BCL11A: variants seen among roughly 807,000 people sequenced by gnomAD.
BCL11A encodes the protein B cell CLL/lymphoma 11A.
Under a neutral mutation model 55.9 loss-of-function variants are expected in BCL11A, and 2 were observed. That is an observed-to-expected ratio of 0.04 (90% CI 0.01 to 0.11). The LOEUF (loss-of-function observed/expected upper bound fraction) is 0.11. Ranked by LOEUF, BCL11A falls within the 10% of genes least tolerant of loss-of-function variation. BCL11A has a pLI of 1.00. For missense variants in BCL11A, 817 were observed against 1,137.1 expected (o/e 0.72, Z 4.05); for synonymous variants, 465 against 473.4 (o/e 0.98, Z 0.23).
chr2:60,466,203 A>T (rs141855971), intron 3 of BCL11A, among the ~76,000 whole-genome samples: 2 of 152,288 alleles, frequency 1.3e-5, no homozygotes, highest in African/African-American at 2.4e-5. Flanking sequence ...CTACCAGTCA[A>T]ATCAAACTCC....
intron 2 of BCL11A, among the ~76,000 whole-genome samples, chr2:60,531,482 A>T (rs1335953984): frequency 6.6e-6 from 1 of 152,264 alleles, no homozygotes; most frequent in East Asian, 1.9e-4. Context: ...GTCAAATGAG[A>T]GCAAGGTCCC....
chr2:60,505,362 A>G (rs777835600), intron 2 of BCL11A, among the ~76,000 whole-genome samples: 1 of 152,228 alleles, frequency 6.6e-6, no homozygotes, highest in African/African-American at 2.4e-5. Flanking sequence ...CCAAAAGAAC[A>G]CACCACTTTG....
At chr2:60,470,581 C>G (rs1295242503) in intron 2 of BCL11A, among the ~76,000 whole-genome samples, 1 of 152,200 alleles carries the variant, frequency 6.6e-6, no homozygotes, top group Non-Finnish European at 1.5e-5. Context: ...GCCACTTACT[C>G]TGGGAAGAGA....
intron 1 of BCL11A, among the ~76,000 whole-genome samples, chr2:60,548,356 G>A (rs1670247888): frequency 6.9e-6 from 1 of 145,874 alleles, no homozygotes; most frequent in Non-Finnish European, 1.5e-5. Flanking sequence ...TGTTCCCAAG[G>A]TCTGACACAT....
chr2:60,451,445 C>T (rs1471072305), exon 5 of BCL11A: 1 of 229,518 alleles, frequency 4.4e-6, no homozygotes, highest in East Asian at 6.2e-5. Context: ...TTAACTGGGC[C>T]AGAAAGAATT....
Position 60,512,908 on chromosome 2 carries a change from T to C in BCL11A, c.385+33063A>G, listed in dbSNP as rs111848767. 3.0e-3 allele frequency among the ~76,000 whole-genome samples: 454 copies of C among 152,174 alleles called. 1 individual carries two copies. The highest frequency in any genetic ancestry group is 0.01 in the African/African-American group (433 of 41,490). Reference sequence around the variant, plus strand: ...CTTTGCCCACCCACATGGCATCCATTTGGAGGAGACACAGAGAAAGGAGTT... The same window carrying C: ...CTTTGCCCACCCACATGGCATCCATCTGGAGGAGACACAGAGAAAGGAGTT... On this transcript the variant is annotated intron_variant, in intron 2 of 3. Coordinates refer to ENST00000642384, the MANE Select transcript of BCL11A (RefSeq NM_022893.4).
chr2:60,553,285 CG>C lies in BCL11A; in HGVS notation c.-16del. The C allele has an allele frequency of 6.4e-7, 1 of 1,563,592 alleles. No homozygotes were observed. ...CGGCGAGACATGGTGGGCTGCGGGG[CG>C]GGCGGCGGCGGCGGCGGCGGCGGCG... On this transcript the variant is annotated 5_prime_UTR_variant, in exon 1 of 4. Coordinates refer to ENST00000642384, the MANE Select transcript of BCL11A (RefSeq NM_022893.4).
intron 2 of BCL11A, among the ~76,000 whole-genome samples, chr2:60,530,660 C>A (rs1348793690): frequency 4.1e-5 from 6 of 145,174 alleles, no homozygotes; most frequent in African/African-American, 1.5e-4. Flanking sequence ...ATTTGATGTA[C>A]AGTCAGCAGG....
intron 2 of BCL11A, among the ~76,000 whole-genome samples, chr2:60,488,725 A>G (rs1678434367): frequency 6.6e-6 from 1 of 152,124 alleles, no homozygotes; most frequent in South Asian, 2.1e-4. Context: ...AGCCACTGCT[A>G]CCCAAAACGA....
downstream of BCL11A, among the ~76,000 whole-genome samples, chr2:60,456,941 C>T (rs1675968120): frequency 6.6e-6 from 1 of 152,154 alleles, no homozygotes; most frequent in African/African-American, 2.4e-5. Context: ...AAGTTTTTAA[C>T]ATCAGACTGA....
At chr2:60,452,788 G>T (rs1675781128), downstream of BCL11A, 1 of 708,330 alleles carries the variant, frequency 1.4e-6, no homozygotes, top group Admixed American at 2.5e-5. Context: ...CACAGGTCGA[G>T]CCACTGGCAT....
intron 3 of BCL11A, among the ~76,000 whole-genome samples, chr2:60,467,471 GTGGTAA>G (rs1676797032): frequency 7.2e-4 from 1 of 1,398 alleles, no homozygotes; most frequent in Non-Finnish European, 1.2e-3. Flanking sequence ...GGTGATGGTG[GTGGTAA>G]TGGTGGTGGT....
At chr2:60,452,630 C>G (rs372945270), downstream of BCL11A, 2 of 1,613,850 alleles carry the variant, frequency 1.2e-6, no homozygotes, top group African/African-American at 1.3e-5. Context: ...ATCTTGAGCT[C>G]TCTGGGTACT....
intron 2 of BCL11A, among the ~76,000 whole-genome samples, chr2:60,538,862 C>T (rs185250503): frequency 3.0e-4 from 46 of 151,534 alleles, no homozygotes; most frequent in African/African-American, 8.0e-4. Context: ...ATACTTTTAA[C>T]GGGAAAAGCT....
intron 2 of BCL11A, chr2:60,534,881 A>C (rs1669602607): frequency 6.6e-6 from 1 of 152,258 alleles, no homozygotes; most frequent in Non-Finnish European, 1.5e-5. Flanking sequence ...TAAATATGTC[A>C]AATCTCTTGG....
intron 2 of BCL11A, among the ~76,000 whole-genome samples, chr2:60,470,123 G>C (rs1176439072): frequency 6.6e-6 from 1 of 152,116 alleles, no homozygotes; most frequent in African/African-American, 2.4e-5. Context: ...ATGGTGTGCT[G>C]CTGAGAAGGC....
intron 2 of BCL11A, among the ~76,000 whole-genome samples, chr2:60,469,707 T>C (rs1305561401): frequency 6.6e-6 from 1 of 152,204 alleles, no homozygotes; most frequent in Non-Finnish European, 1.5e-5. Context: ...TGAGATTTTT[T>C]TGAGAAGAGG....
At chr2:60,524,464 TG>T (rs1300672704) in intron 2 of BCL11A, 1 of 152,088 alleles carries the variant, frequency 6.6e-6, no homozygotes, top group Non-Finnish European at 1.5e-5. Context: ...TCCTTGTTTT[TG>T]TTTTTGTTTT....
intron 2 of BCL11A, among the ~76,000 whole-genome samples, chr2:60,494,623 C>G (rs1678840319): frequency 6.6e-6 from 1 of 152,174 alleles, no homozygotes; most frequent in Non-Finnish European, 1.5e-5. Context: ...TGATTTATCA[C>G]CAAATGTTCT....
Sources: allele counts gnomAD v4.1 joint callset (sites outside exome capture counted in the v4.1 genomes callset), GRCh38; gene constraint gnomAD v4.1.1; transcripts MANE v1.5; gene names NCBI Gene and HGNC (gene_info 2026-07-23, HGNC 2026-07-21).